The following ABCC5 variants were observed in gnomAD, a reference collection of about 807,000 sequenced individuals.
ABCC5 encodes the protein ATP binding cassette subfamily C member 5.
In ABCC5, 61 loss-of-function variants were observed where a neutral mutation model predicts 160.9. The observed-to-expected ratio is 0.38, with a 90% CI of 0.31 to 0.47. The LOEUF (loss-of-function observed/expected upper bound fraction) is 0.47, where lower values mean the gene tolerates loss of function less well. Among genes scored for constraint, ABCC5 ranks in the 20% least tolerant of loss-of-function variants. The pLI is 0.99. For synonymous variants in ABCC5, 666 were observed against 700.6 expected (o/e 0.95, Z 0.78); for missense variants, 1,308 against 1,813.3 (o/e 0.72, Z 5.06).
At chr3:183,989,897 C>T (rs1178359124) in intron 2 of ABCC5, among the ~76,000 whole-genome samples, 4 of 151,852 alleles carry the variant, frequency 2.6e-5, no homozygotes, top group East Asian at 3.9e-4. Context: ...CTCCACCTCC[C>T]GGGTTCAAGC....
At chr3:183,990,077 A>ACAGG (rs1279707516) in intron 2 of ABCC5, among the ~76,000 whole-genome samples, 2 of 151,682 alleles carry the variant, frequency 1.3e-5, no homozygotes, top group African/African-American at 4.9e-5. Context: ...TGCTGGGATT[A>ACAGG]CAGGCATGAG....
chr3:183,977,526 G>A lies in ABCC5; in HGVS notation c.1395C>T (p.Asp465=), dbSNP rs919384033. The A allele has an allele frequency of 1.2e-6, 2 of 1,612,518 alleles. No individual in the cohort carries two copies. The highest frequency in any genetic ancestry group is 2.7e-5 in the African/African-American group (2 of 74,886). Residue 465 remains aspartate, a synonymous_variant, in exon 10 of 30, where the codon GAC becomes GAT. Coordinates refer to ENST00000334444, the MANE Select transcript of ABCC5 (RefSeq NM_005688.4). ...GGAAGGAGCCACTTACCTTAAATCT[G>A]TCAACAGCCACTGAGGCTTCTGAGA... is the stretch of plus-strand genomic sequence containing the variant. ...KSLSEASVAV[D]RFKSLFLMEE...
intron 17 of ABCC5, among the ~76,000 whole-genome samples, chr3:183,954,600 A>G (rs1450248349): frequency 1.3e-5 from 2 of 152,200 alleles, no homozygotes; most frequent in Admixed American, 6.5e-5. Flanking sequence ...TCAGTAGGAC[A>G]TAGTAACTGG....
chr3:184,003,809 T>G (rs918831920), intron 2 of ABCC5, among the ~76,000 whole-genome samples: 1 of 152,222 alleles, frequency 6.6e-6, no homozygotes, highest in African/African-American at 2.4e-5. Context: ...TTATTCAAAG[T>G]TCCTGTTATG....
chr3:184,014,532 A>G (rs1722032090), intron 1 of ABCC5, 85 bp from the exon 2 acceptor site: 2 of 847,020 alleles, frequency 2.4e-6, no homozygotes, highest in Admixed American at 8.0e-5. Context: ...ATAGGAAAAA[A>G]AAAAAAAAGG....
chr3:183,959,723 A>G lies in ABCC5; in HGVS notation c.2482+10T>C. 6.3e-7 allele frequency: 1 copy of G among 1,584,800 alleles called. No homozygotes were observed. The highest frequency in any genetic ancestry group is 8.6e-7 in the Non-Finnish European group (1 of 1,167,234). On this transcript the variant is annotated intron_variant, in intron 17 of 29. Coordinates refer to ENST00000334444, the MANE Select transcript of ABCC5 (RefSeq NM_005688.4). Reference sequence around the variant, plus strand: ...ATGACAAATCTAAAAATTTCAAAAAAGGCCATTACCTTCCTCTGGCTTTAC... The same window carrying G: ...ATGACAAATCTAAAAATTTCAAAAAGGGCCATTACCTTCCTCTGGCTTTAC...
At position 183,956,802 on chromosome 3, in the gene ABCC5, C is replaced by A. The variant is rs1379468790; in HGVS notation, c.2482+2931G>T. On this transcript the variant is annotated intron_variant, in intron 17 of 29. Coordinates refer to ENST00000334444, the MANE Select transcript of ABCC5 (RefSeq NM_005688.4). ...GTTACATGCGGATCCGTGTGTATAT[C>A]ACATCTGTTACATGCAGATCCGTGT... Among the ~76,000 whole-genome samples the A allele has an allele frequency of 6.7e-5, 4 of 60,002 alleles. 1 individual carries two copies. Among genetic ancestry groups the A allele is most frequent in the Non-Finnish European group, 1.1e-4 (4 of 35,318 alleles). The allele number at this position is 60,002 out of a possible 152,430, so 39.4% of individuals were successfully genotyped here.
rs1212466306 is a variant in ABCC5, at chr3:183,989,473, C to A, written c.130-90G>T. The A allele has an allele frequency of 4.4e-6, 6 of 1,373,062 alleles. No individual in the cohort carries two copies. In the Admixed American group the frequency reaches 9.5e-5, roughly 22 times the overall value. The allele number at this position is 1,373,062 out of a possible 1,614,324, so 85.1% of individuals were successfully genotyped here. On this transcript the variant is annotated intron_variant, in intron 2 of 29. Transcript: ENST00000334444. ...CTGATGAAACAGCTCAAACTGCAAACTGGACTCATCTTAACTGAGAAATTC... is the reference window on the plus strand; with the variant it reads ...CTGATGAAACAGCTCAAACTGCAAAATGGACTCATCTTAACTGAGAAATTC...
At chr3:183,971,990 T>C (rs1298100240) in intron 10 of ABCC5, 71 bp from the exon 11 acceptor site, 2 of 1,603,304 alleles carry the variant, frequency 1.2e-6, no homozygotes, top group Non-Finnish European at 8.5e-7. Context: ...GCCTAGGGCG[T>C]ACACTCACGT....
intron 5 of ABCC5, chr3:183,985,655 T>C (rs1050374650): frequency 2.3e-5 from 11 of 475,118 alleles, no homozygotes; most frequent in African/African-American, 2.0e-4. Flanking sequence ...CTTTTAGAAC[T>C]GTCTTAATCC....
At position 183,921,296 on chromosome 3, in the gene ABCC5, G is replaced by A; in HGVS notation, c.*4C>T. On this transcript the variant is annotated 3_prime_UTR_variant, in exon 30 of 30. Transcript: ENST00000334444. The surrounding 1 kb of genome is among the most constrained non-coding windows in gnomAD (Gnocchi z 4.1). ...AGAAAAGAGACTTCGTCAACAGGGAGGAGTCAGCCCTTGACAGCGACCTTG... is the reference window on the plus strand; with the variant it reads ...AGAAAAGAGACTTCGTCAACAGGGAAGAGTCAGCCCTTGACAGCGACCTTG... 1 of 1,495,770 alleles carries A rather than the reference G, an allele frequency of 6.7e-7. No individual in the cohort carries two copies. The highest frequency in any genetic ancestry group is 1.4e-5 in the African/African-American group (1 of 72,136). 92.7% of individuals were successfully genotyped at this position (1,495,770 alleles called of 1,614,324 possible).
chr3:183,938,419 C>T (rs1005522852), intron 25 of ABCC5, among the ~76,000 whole-genome samples: 2 of 152,112 alleles, frequency 1.3e-5, no homozygotes, highest in Admixed American at 6.5e-5. Context: ...CTGCCTCAGC[C>T]TCTCAAGTAG....
At position 183,920,437 on chromosome 3, in the gene ABCC5, A is replaced by G. The variant is rs964139167; in HGVS notation, c.*863T>C. 12 of 152,618 alleles carry G rather than the reference A, an allele frequency of 7.9e-5. No homozygotes were observed. The highest frequency in any genetic ancestry group is 1.9e-4 in the African/African-American group (8 of 41,444). The allele number at this position is 152,618 out of a possible 1,614,324, so 9.5% of individuals were successfully genotyped here. ...GGAGAGCTCTGTGCAGTGGCCAGCC[A>G]TAGGAACCTGAGGCAGTGGGACTCT... On this transcript the variant is annotated 3_prime_UTR_variant, in exon 30 of 30. Transcript: ENST00000334444. The surrounding 1 kb of genome is among the most constrained non-coding windows in gnomAD (Gnocchi z 4.1).
chr3:183,947,597 G>A, intron 22 of ABCC5, 87 bp from the exon 23 acceptor site: 2 of 1,085,236 alleles, frequency 1.8e-6, no homozygotes, highest in Non-Finnish European at 2.6e-6. Flanking sequence ...GATGATGGAG[G>A]GCACGTATTT....
In ABCC5 at chr3:183,987,594, C is replaced by G. The variant is rs1328854031; in HGVS notation, c.591+176G>C. ...CCATTTCTTCTCTGGCAACACTGCC[C>G]TTTCATCCTTCCAGCTGTTGCCAAA... On this transcript the variant is annotated intron_variant, in intron 5 of 29. Transcript: ENST00000334444. This position sits in a 1 kb window ranked among gnomAD's most constrained non-coding sequence, Gnocchi z 4.2. 2.4e-6 allele frequency: 2 copies of G among 816,338 alleles called. No homozygotes were observed. The highest frequency in any genetic ancestry group is 3.4e-5 in the African/African-American group (2 of 59,076). The allele number at this position is 816,338 out of a possible 1,614,324, so 50.6% of individuals were successfully genotyped here.
Position 183,956,546 on chromosome 3 carries a change from CACATCGGTTACATGCAGATCA to C in ABCC5, c.2482+3166_2482+3186del, listed in dbSNP as rs1283417583. 2.7e-4 allele frequency among the ~76,000 whole-genome samples: 41 copies of C among 149,554 alleles called. 1 individual carries two copies. In the South Asian group the frequency reaches 3.0e-3, roughly 11 times the overall value. The stretch of plus-strand genomic sequence containing the variant: ...GTTACATGCAGATCAGTGTGTATAT[CACATCGGTTACATGCAGATCA>C]GTGTGTATATCACATCGGTTACATG... On this transcript the variant is annotated intron_variant, in intron 17 of 29. Coordinates refer to ENST00000334444, the MANE Select transcript of ABCC5 (RefSeq NM_005688.4).
intron 12 of ABCC5, among the ~76,000 whole-genome samples, chr3:183,966,780 C>T (rs1717256240): frequency 6.6e-6 from 1 of 152,112 alleles, no homozygotes; most frequent in Admixed American, 6.6e-5. Context: ...CCAGGCACCA[C>T]CACCCTCAAG....
chr3:183,961,841 G>A (rs1183139339), intron 15 of ABCC5, among the ~76,000 whole-genome samples, 187 bp from the exon 16 acceptor site: 2 of 152,072 alleles, frequency 1.3e-5, no homozygotes, highest in Admixed American at 6.5e-5. Context: ...GCGTGGTGGC[G>A]CAATCTCGGT....
intron 18 of ABCC5, 24 bp downstream of exon 18, chr3:183,953,062 T>C: frequency 1.2e-6 from 2 of 1,603,440 alleles, no homozygotes; most frequent in Non-Finnish European, 1.7e-6. Context: ...GACACAGAAC[T>C]TTCCCATTTA....
Sources: gnomAD v4.1 joint callset for allele counts (sites outside exome capture counted in the v4.1 genomes callset) on GRCh38, gnomAD v4.1.1 for gene constraint, Gnocchi (gnomAD v3.1) non-coding constraint, MANE v1.5 for transcripts, NCBI Gene and HGNC (gene_info 2026-07-23, HGNC 2026-07-21) for gene names.